ANKDD1B: variants seen among roughly 807,000 people sequenced by gnomAD.
ANKDD1B encodes the protein ankyrin repeat and death domain-containing protein 1B.
ANKDD1B carries 57 observed loss-of-function variants against 59.7 expected under a neutral mutation model. The ratio of observed to expected loss-of-function variants is 0.95; its 90% CI spans 0.77 to 1.19. The LOEUF (loss-of-function observed/expected upper bound fraction) is 1.19. Among genes scored for constraint, ANKDD1B ranks in the 50% most tolerant of loss-of-function variants. The pLI, the probability that ANKDD1B is intolerant of heterozygous loss-of-function variation, is 0.00. For synonymous variants in ANKDD1B, 216 were observed against 239.5 expected (o/e 0.90, Z 0.91); for missense variants, 602 against 641.9 (o/e 0.94, Z 0.67).
intron 5 of ANKDD1B, among the ~76,000 whole-genome samples, chr5:75,631,512 A>T (rs1216807465): frequency 1.3e-5 from 2 of 152,048 alleles, no homozygotes; most frequent in African/African-American, 2.4e-5. Context: ...TCTCATGGGG[A>T]CCCTGAAAGC....
At chr5:75,634,799 G>A in intron 5 of ANKDD1B, 99 bp from the exon 6 acceptor site, 1 of 729,344 alleles carries the variant, frequency 1.4e-6, no homozygotes, top group Non-Finnish European at 2.3e-6. Context: ...GGGCCATCTT[G>A]GACTCCCCAT....
At chr5:75,625,287 A>T (rs891159926) in intron 3 of ANKDD1B, among the ~76,000 whole-genome samples, 14 of 152,156 alleles carry the variant, frequency 9.2e-5, no homozygotes, top group African/African-American at 3.1e-4. Flanking sequence ...ATACATTTTT[A>T]AAAATCTGTC....
intron 7 of ANKDD1B, among the ~76,000 whole-genome samples, chr5:75,639,000 T>G (rs114779433): frequency 6.6e-6 from 1 of 152,356 alleles, no homozygotes; most frequent in African/African-American, 2.4e-5. Context: ...CAATTGCCTT[T>G]GGGTATATCC....
chr5:75,659,436 T>C (rs2112015212), intron 10 of ANKDD1B, 55 bp downstream of exon 10: 3 of 1,243,606 alleles, frequency 2.4e-6, no homozygotes, highest in Non-Finnish European at 3.4e-6. Flanking sequence ...GACCTTCCTG[T>C]TGGATGTCAG....
At chr5:75,658,130 G>A (rs905568319) in intron 9 of ANKDD1B, among the ~76,000 whole-genome samples, 42 of 152,028 alleles carry the variant, frequency 2.8e-4, no homozygotes, top group Non-Finnish European at 3.1e-4. Context: ...CCAGGAGTTC[G>A]AGGTTACAGT....
intron 6 of ANKDD1B, 50 bp from the exon 7 acceptor site, chr5:75,635,734 C>A: frequency 8.3e-7 from 1 of 1,204,112 alleles, no homozygotes; most frequent in African/African-American, 1.5e-5. Context: ...ATTGAAGGAG[C>A]ATGCTCTCCT....
At chr5:75,659,189 A>C (rs998227726) in intron 9 of ANKDD1B, 94 bp from the exon 10 acceptor site, 24 of 829,780 alleles carry the variant, frequency 2.9e-5, no homozygotes, top group Middle Eastern at 2.2e-4. Flanking sequence ...AAAATATATG[A>C]CCTGTGTTTT....
chr5:75,634,820 A>G (rs917619323), intron 5 of ANKDD1B, 78 bp from the exon 6 acceptor site: 7 of 914,534 alleles, frequency 7.7e-6, no homozygotes, highest in Non-Finnish European at 1.0e-5. Context: ...CATCCTTGAA[A>G]TGTCGCTAGC....
At chr5:75,650,150 C>G (rs1774791442) in intron 7 of ANKDD1B, among the ~76,000 whole-genome samples, 1 of 152,180 alleles carries the variant, frequency 6.6e-6, no homozygotes, top group South Asian at 2.1e-4. Context: ...TTCCCGGAAC[C>G]TGTGAATATG....
Position 75,656,013 on chromosome 5 carries a change from T to G in ANKDD1B, c.898-16T>G, listed in dbSNP as rs1774964765. 7.8e-7 allele frequency: 1 copy of G among 1,278,834 alleles called. No homozygotes were observed. The highest frequency in any genetic ancestry group is 1.1e-6 in the Non-Finnish European group (1 of 924,676). The allele number at this position is 1,278,834 out of a possible 1,614,324, so 79.2% of individuals were successfully genotyped here. ...CCAGAACCTTCTGGATTTGAAATTTTTATTTCTCTCTGCAGCCTAAGGAGT... is the reference window on the plus strand; with the variant it reads ...CCAGAACCTTCTGGATTTGAAATTTGTATTTCTCTCTGCAGCCTAAGGAGT... On this transcript the variant is annotated splice_polypyrimidine_tract_variant and intron_variant, in intron 8 of 13. Coordinates refer to ENST00000601380, the MANE Select transcript of ANKDD1B (RefSeq NM_001276713.2).
chr5:75,633,094 C>T (rs1006820061), intron 5 of ANKDD1B, among the ~76,000 whole-genome samples: 4 of 152,162 alleles, frequency 2.6e-5, no homozygotes, highest in African/African-American at 9.7e-5. Context: ...TCTGTCATTT[C>T]CAAAGAGTTG....
chr5:75,637,681 C>T (rs1774354311), intron 7 of ANKDD1B, among the ~76,000 whole-genome samples: 1 of 152,062 alleles, frequency 6.6e-6, no homozygotes, highest in Non-Finnish European at 1.5e-5. Flanking sequence ...TTTTTACATG[C>T]ATATATAAAG....
rs1774968175 is a variant in ANKDD1B, at chr5:75,656,098, G to A, written c.967G>A (p.Ala323Thr). ...CACGGTTGTAAACAGTTTATTAAGT[G>A]CACAGCATGATATTGACATCTTAAA... is the stretch of plus-strand genomic sequence containing the variant. Reference protein sequence around the residue: ...HITVVNSLLSAQHDIDILNQK... With the variant: ...HITVVNSLLSTQHDIDILNQK... The change falls in exon 9 of 14, where the codon GCA becomes ACA. Residue 323 changes from alanine to threonine, a missense_variant. Ala to Thr is a moderately conservative substitution (Grantham distance 58, BLOSUM62 0). Transcript: ENST00000601380. 2 of 1,524,646 alleles carry A rather than the reference G, an allele frequency of 1.3e-6. No homozygotes were observed. The highest frequency in any genetic ancestry group is 1.4e-5 in the African/African-American group (1 of 72,696). The allele number at this position is 1,524,646 out of a possible 1,614,324, so 94.4% of individuals were successfully genotyped here. A position where few individuals can be genotyped will look rare whatever the true frequency, so the allele number is the denominator to read the frequency against.
At chr5:75,649,815 G>T (rs1774778793) in intron 7 of ANKDD1B, among the ~76,000 whole-genome samples, 1 of 152,148 alleles carries the variant, frequency 6.6e-6, no homozygotes, top group Non-Finnish European at 1.5e-5. Flanking sequence ...AATCTAAAAA[G>T]CAGATTTAAT....
At chr5:75,650,561 G>A (rs932865002) in intron 7 of ANKDD1B, among the ~76,000 whole-genome samples, 1 of 152,060 alleles carries the variant, frequency 6.6e-6, no homozygotes, top group African/African-American at 2.4e-5. Flanking sequence ...TAATTTTATG[G>A]CAATGTCTTA....
At chr5:75,635,656 G>C in intron 6 of ANKDD1B, 128 bp from the exon 7 acceptor site, 1 of 505,122 alleles carries the variant, frequency 2.0e-6, no homozygotes, top group Non-Finnish European at 3.5e-6. Flanking sequence ...CAGATACAGT[G>C]GTCCACACTC....
intron 7 of ANKDD1B, among the ~76,000 whole-genome samples, chr5:75,637,417 G>A (rs2112982524): frequency 6.6e-6 from 1 of 152,024 alleles, no homozygotes; most frequent in South Asian, 2.1e-4. Context: ...GGAAACTCAG[G>A]TCAGTGGGGT....
chr5:75,632,279 A>C lies in ANKDD1B; in HGVS notation c.601-2619A>C, dbSNP rs1042593828. On this transcript the variant is annotated intron_variant, in intron 5 of 13. Transcript: ENST00000601380. ...GAATTTATTGGCTCATTCAATTAAA[A>C]ATCTAGCCATGGATTCAGGTATGTC... Among the ~76,000 whole-genome samples, 4 of 152,318 alleles carry C rather than the reference A, an allele frequency of 2.6e-5. No individual in the cohort carries two copies. The South Asian group carries it at 8.3e-4, about 32-fold the overall frequency.
intron 8 of ANKDD1B, 25 bp downstream of exon 8, chr5:75,653,265 C>T (rs1213819750): frequency 6.6e-7 from 1 of 1,512,374 alleles, no homozygotes; most frequent in East Asian, 2.5e-5. Flanking sequence ...ATGACACGGG[C>T]TTTGGTCCTG....
Sources: allele counts gnomAD v4.1 joint callset (sites outside exome capture counted in the v4.1 genomes callset), GRCh38; gene constraint gnomAD v4.1.1; transcripts MANE v1.5; gene names NCBI Gene and HGNC (gene_info 2026-07-23, HGNC 2026-07-21).